JMJD1C: variants seen among roughly 807,000 people sequenced by gnomAD.
The protein encoded by JMJD1C is jumonji domain-containing protein 1C.
In JMJD1C, 31 loss-of-function variants were observed where a neutral mutation model predicts 245.3. That is an observed-to-expected ratio of 0.13 (90% CI 0.09 to 0.17). The LOEUF (loss-of-function observed/expected upper bound fraction) is 0.17. Ranked by LOEUF, JMJD1C falls within the 10% of genes least tolerant of loss-of-function variation. The pLI is 1.00. For missense variants in JMJD1C, 2,691 were observed against 3,000.2 expected (o/e 0.90, Z 2.41); for synonymous variants, 1,057 against 1,017.4 (o/e 1.04, Z -0.74).
chr10:63,263,986 A>ACT (rs1276441439), intron 3 of JMJD1C, among the ~76,000 whole-genome samples: 4 of 148,158 alleles, frequency 2.7e-5, no homozygotes, highest in African/African-American at 7.5e-5. Flanking sequence ...ACACACACAC[A>ACT]CACACACACA....
chr10:63,354,109 G>A (rs973056583), intron 2 of JMJD1C, among the ~76,000 whole-genome samples: 3 of 152,170 alleles, frequency 2.0e-5, no homozygotes, highest in African/African-American at 7.2e-5. Context: ...AAAGTGCTGG[G>A]ATTACAGGCA....
intron 8 of JMJD1C, 147 bp downstream of exon 8, chr10:63,213,326 G>A: frequency 2.0e-6 from 1 of 503,026 alleles, no homozygotes; most frequent in East Asian, 3.0e-5. Flanking sequence ...CCACTCTTGA[G>A]GTTACTAAGT....
intron 1 of JMJD1C, among the ~76,000 whole-genome samples, chr10:63,452,159 C>T (rs1391890153): frequency 6.6e-6 from 1 of 152,056 alleles, no homozygotes; most frequent in Non-Finnish European, 1.5e-5. Context: ...AAAAGGCAAC[C>T]CACAGAATAG....
At chr10:63,253,156 G>A (rs4403688) in intron 3 of JMJD1C, among the ~76,000 whole-genome samples, 100,961 of 151,796 alleles carry the variant, frequency 0.67, 36,164 homozygotes, top group Non-Finnish European at 0.81. Context: ...AAAGTGGGGG[G>A]AAAAATAAGG....
At chr10:63,196,665 C>A (rs1845497085) in intron 13 of JMJD1C, among the ~76,000 whole-genome samples, 1 of 152,196 alleles carries the variant, frequency 6.6e-6, no homozygotes, top group African/African-American at 2.4e-5. Flanking sequence ...ATACTAAGTA[C>A]TTCTAATGTT....
At chr10:63,440,653 T>G (rs1951329556) in intron 1 of JMJD1C, among the ~76,000 whole-genome samples, 1 of 152,128 alleles carries the variant, frequency 6.6e-6, no homozygotes, top group African/African-American at 2.4e-5. Context: ...CAACTGAGTC[T>G]CAGAAGGAAG....
At chr10:63,511,596 G>A (rs1490967970) in intron 1 of JMJD1C, among the ~76,000 whole-genome samples, 1 of 152,100 alleles carries the variant, frequency 6.6e-6, no homozygotes, top group African/African-American at 2.4e-5. Flanking sequence ...TGTAATCCCA[G>A]TGACTCCGGA....
chr10:63,513,599 T>TA (rs1226445538), intron 1 of JMJD1C, among the ~76,000 whole-genome samples: 1 of 152,072 alleles, frequency 6.6e-6, no homozygotes, highest in Non-Finnish European at 1.5e-5. Flanking sequence ...ATAATGAACT[T>TA]AAACAACTGA....
intron 1 of JMJD1C, among the ~76,000 whole-genome samples, chr10:63,446,184 G>A (rs1951710968): frequency 6.6e-6 from 1 of 152,048 alleles, no homozygotes; most frequent in African/African-American, 2.4e-5. Flanking sequence ...CCTGGGATCT[G>A]AATATGTTTT....
intron 2 of JMJD1C, among the ~76,000 whole-genome samples, chr10:63,312,094 C>CTTT (rs35328965): frequency 2.9e-3 from 187 of 63,914 alleles, no homozygotes; most frequent in South Asian, 5.4e-3. Flanking sequence ...AGTAGCTAAA[C>CTTT]TTTTTTTTTT....
At chr10:63,196,166 G>A (rs1845433307) in intron 13 of JMJD1C, among the ~76,000 whole-genome samples, 1 of 147,564 alleles carries the variant, frequency 6.8e-6, no homozygotes, top group African/African-American at 2.5e-5. Context: ...GGCTGAGGCA[G>A]GAGAATTACT....
At chr10:63,413,618 G>A (rs192292468) in intron 1 of JMJD1C, among the ~76,000 whole-genome samples, 230 of 152,208 alleles carry the variant, frequency 1.5e-3, no homozygotes, top group Non-Finnish European at 2.8e-3. Context: ...CTTCCGTTTA[G>A]CTGAGACAAA....
intron 2 of JMJD1C, among the ~76,000 whole-genome samples, chr10:63,280,826 G>A (rs1216783445): frequency 6.6e-6 from 1 of 152,050 alleles, no homozygotes; most frequent in Non-Finnish European, 1.5e-5. Context: ...TGAACTGGCA[G>A]AATTAAAGGT....
At chr10:63,494,303 C>A (rs1954281255) in intron 1 of JMJD1C, among the ~76,000 whole-genome samples, 1 of 150,102 alleles carries the variant, frequency 6.7e-6, no homozygotes, top group Non-Finnish European at 1.5e-5. Flanking sequence ...ATAAACGAAA[C>A]TCCGTCTCAA....
At chr10:63,424,530 C>T (rs1397046747) in intron 1 of JMJD1C, among the ~76,000 whole-genome samples, 1 of 121,910 alleles carries the variant, frequency 8.2e-6, no homozygotes, top group African/African-American at 3.0e-5. Context: ...TTTTTGAGAC[C>T]GGGTCTCATT....
intron 3 of JMJD1C, chr10:63,222,383 C>A: frequency 1.0e-6 from 1 of 978,448 alleles, no homozygotes; most frequent in East Asian, 2.4e-5. Flanking sequence ...AGCTGGATGT[C>A]ATCCTACAAG....
chr10:63,282,307 T>C (rs562470689), intron 2 of JMJD1C, among the ~76,000 whole-genome samples: 85 of 152,302 alleles, frequency 5.6e-4, no homozygotes, highest in African/African-American at 1.7e-3. Flanking sequence ...TATTTTTGCA[T>C]ATTTAGAAGA....
chr10:63,211,054 G>A (rs1847258850), intron 8 of JMJD1C, among the ~76,000 whole-genome samples: 1 of 152,188 alleles, frequency 6.6e-6, no homozygotes, highest in Non-Finnish European at 1.5e-5. Context: ...TATGAAAGTA[G>A]AGCCAAAAGG....
At chr10:63,316,877 T>C (rs1940137233) in intron 2 of JMJD1C, among the ~76,000 whole-genome samples, 1 of 152,066 alleles carries the variant, frequency 6.6e-6, no homozygotes, top group Non-Finnish European at 1.5e-5. Flanking sequence ...TTTTTTGAGA[T>C]GGAGTCTTGC....
Sources: gnomAD v4.1 joint callset for allele counts (sites outside exome capture counted in the v4.1 genomes callset) on GRCh38, gnomAD v4.1.1 for gene constraint, MANE v1.5 for transcripts, NCBI Gene and HGNC (gene_info 2026-07-23, HGNC 2026-07-21) for gene names.